DLG2: variants seen among roughly 807,000 people sequenced by gnomAD.
DLG2 encodes discs large MAGUK scaffold protein 2.
In DLG2, 45 loss-of-function variants were observed where a neutral mutation model predicts 132.5. The ratio of observed to expected loss-of-function variants is 0.34; its 90% CI spans 0.27 to 0.44. The LOEUF is 0.44. DLG2 is among the 20% of genes least tolerant of loss of function. The pLI, the probability that DLG2 is intolerant of heterozygous loss-of-function variation, is 1.00. For missense variants in DLG2, 1,045 were observed against 1,196.9 expected, an observed-to-expected ratio of 0.87 and a Z score of 1.87; for synonymous variants, 424 against 419.6, an observed-to-expected ratio of 1.01 and a Z score of -0.13.
intron 6 of DLG2, among the ~76,000 whole-genome samples, chr11:84,788,604 T>C (rs1274596406): frequency 6.6e-6 from 1 of 152,074 alleles, no homozygotes; most frequent in African/African-American, 2.4e-5. Context: ...CCTCTACTAC[T>C]TGTGTATATT....
intron 7 of DLG2, among the ~76,000 whole-genome samples, chr11:84,307,900 T>C (rs1177111404): frequency 1.3e-5 from 2 of 151,968 alleles, no homozygotes; most frequent in Non-Finnish European, 2.9e-5. Context: ...GCGGCGCGTC[T>C]GGAGTTGTTC....
At chr11:85,247,523 A>T (rs1299819441) in intron 4 of DLG2, among the ~76,000 whole-genome samples, 3 of 151,916 alleles carry the variant, frequency 2.0e-5, no homozygotes. Context: ...ATTCATCACT[A>T]TGTGTTTCAT....
At chr11:85,266,304 G>A (rs2077207912) in intron 4 of DLG2, among the ~76,000 whole-genome samples, 2 of 152,230 alleles carry the variant, frequency 1.3e-5, no homozygotes, top group Admixed American at 1.3e-4. Context: ...AGTAAGTGGA[G>A]TTCCTCTTGC....
intron 6 of DLG2, among the ~76,000 whole-genome samples, chr11:85,076,219 A>G (rs1379515228): frequency 1.3e-5 from 2 of 152,002 alleles, no homozygotes; most frequent in Non-Finnish European, 2.9e-5. Context: ...TCCATTCCAC[A>G]TATGAAGGAA....
intron 3 of DLG2, among the ~76,000 whole-genome samples, chr11:85,351,110 G>A (rs1294952824): frequency 6.6e-6 from 1 of 152,144 alleles, no homozygotes; most frequent in Non-Finnish European, 1.5e-5. Context: ...AGTTCTCCTT[G>A]AAGAGGTCCT....
chr11:84,364,959 T>C (rs1370612363), intron 7 of DLG2, among the ~76,000 whole-genome samples: 3 of 152,152 alleles, frequency 2.0e-5, no homozygotes, highest in Non-Finnish European at 2.9e-5. Flanking sequence ...TCAAGGATAT[T>C]GGTCTAAAAT....
intron 7 of DLG2, among the ~76,000 whole-genome samples, chr11:84,449,582 G>A (rs1239804282): frequency 6.6e-6 from 1 of 151,524 alleles, no homozygotes; most frequent in African/African-American, 2.4e-5. Flanking sequence ...AGTTAAAAGT[G>A]CCTTGACTTT....
chr11:83,488,803 A>G (rs2093674856), intron 21 of DLG2, among the ~76,000 whole-genome samples: 1 of 151,980 alleles, frequency 6.6e-6, no homozygotes. Context: ...TTCCCCTGGG[A>G]AAGTTGTTAC....
At chr11:85,583,116 GTGTGTGTGTGTGTGTA>G (rs2078686693) in intron 3 of DLG2, among the ~76,000 whole-genome samples, 10 of 55,320 alleles carry the variant, frequency 1.8e-4, no homozygotes, top group African/African-American at 6.2e-4. Context: ...GTGTGTGTGT[GTGTGTGTGTGTGTGTA>G]TATATATATA....
chr11:84,400,570 C>T (rs188025799), intron 7 of DLG2, among the ~76,000 whole-genome samples: 78 of 152,256 alleles, frequency 5.1e-4, no homozygotes, highest in Admixed American at 1.5e-3. Flanking sequence ...CCCTCCTTAC[C>T]AAATTCTTTA....
chr11:85,310,484 G>T (rs920670402), intron 3 of DLG2, among the ~76,000 whole-genome samples: 1 of 152,154 alleles, frequency 6.6e-6, no homozygotes, highest in Non-Finnish European at 1.5e-5. Flanking sequence ...CCCAACAAGG[G>T]ACTGTCCCTT....
At chr11:84,113,599 T>A (rs1030527066) in intron 9 of DLG2, among the ~76,000 whole-genome samples, 1 of 152,184 alleles carries the variant, frequency 6.6e-6, no homozygotes, top group Non-Finnish European at 1.5e-5. Flanking sequence ...GACTTAAACT[T>A]TTTTTTCTGA....
Position 84,946,607 on chromosome 11 carries a change from A to G in DLG2, c.357+165054T>C, listed in dbSNP as rs77140910. Among the ~76,000 whole-genome samples the G allele has an allele frequency of 5.8e-3, 877 of 151,466 alleles. 11 individuals carry two copies. The highest frequency in any genetic ancestry group is 0.02 in the African/African-American group (810 of 41,258). The stretch of plus-strand genomic sequence containing the variant: ...CAACTTACAAGACAAAGTCCTCTTT[A>G]CTCTCCCTTCTCCTCTCCTCAAGCA... On this transcript the variant is annotated intron_variant, in intron 6 of 27. Coordinates refer to ENST00000376104, the MANE Select transcript of DLG2 (RefSeq NM_001142699.3).
At chr11:83,832,542 G>A (rs1473977849) in intron 17 of DLG2, among the ~76,000 whole-genome samples, 3 of 152,124 alleles carry the variant, frequency 2.0e-5, no homozygotes, top group Non-Finnish European at 2.9e-5. Flanking sequence ...CTTATAAGTG[G>A]GAGCGAAATA....
At chr11:84,971,672 T>C (rs1326684043) in intron 6 of DLG2, among the ~76,000 whole-genome samples, 1 of 152,136 alleles carries the variant, frequency 6.6e-6, no homozygotes, top group East Asian at 1.9e-4. Context: ...TTCAATGTGC[T>C]AATTAGTTTA....
chr11:84,082,630 T>C (rs907507074), intron 10 of DLG2, among the ~76,000 whole-genome samples: 5 of 152,236 alleles, frequency 3.3e-5, no homozygotes, highest in East Asian at 1.9e-4. Context: ...TTTGTGTTCA[T>C]AGATTCTTAA....
At chr11:83,760,445 C>G (rs148662532) in intron 18 of DLG2, among the ~76,000 whole-genome samples, 2,126 of 152,104 alleles carry the variant, frequency 0.014, 25 homozygotes, top group Middle Eastern at 0.041. Flanking sequence ...ACTTTCTTCT[C>G]TAATCTCACT....
Position 85,049,223 on chromosome 11 carries a change from C to G in DLG2, c.357+62438G>C, listed in dbSNP as rs191062644. ...TATAGTGAGTTAAATTATTTCCAGT[C>G]TCGTGGTACCAATTATATCGTATAT... is the stretch of plus-strand genomic sequence containing the variant. On this transcript the variant is annotated intron_variant, in intron 6 of 27. Coordinates refer to ENST00000376104, the MANE Select transcript of DLG2 (RefSeq NM_001142699.3). Among the ~76,000 whole-genome samples the G allele has an allele frequency of 2.3e-3, 355 of 152,042 alleles. 1 individual carries two copies. Among genetic ancestry groups the G allele is most frequent in the African/African-American group, 8.0e-3 (334 of 41,498 alleles).
intron 6 of DLG2, among the ~76,000 whole-genome samples, chr11:85,041,623 G>C (rs1389701772): frequency 6.6e-6 from 1 of 151,814 alleles, no homozygotes; most frequent in Non-Finnish European, 1.5e-5. Flanking sequence ...GTCAGATTTG[G>C]AAATACATGG....
Sources: allele counts gnomAD v4.1 joint callset (sites outside exome capture counted in the v4.1 genomes callset), GRCh38; gene constraint gnomAD v4.1.1; transcripts MANE v1.5; gene names NCBI Gene and HGNC (gene_info 2026-07-23, HGNC 2026-07-21).